Variants in PVR observed in about 807,000 individuals in gnomAD.
PVR encodes the protein poliovirus receptor.
In PVR, 39 loss-of-function variants were observed where a neutral mutation model predicts 43.3. That is an observed-to-expected ratio of 0.90 (90% CI 0.70 to 1.18). The LOEUF (loss-of-function observed/expected upper bound fraction) is 1.18. PVR is among the 50% of genes most tolerant of loss of function. The pLI, the probability that PVR is intolerant of heterozygous loss-of-function variation, is 0.00. For synonymous variants in PVR, 224 were observed against 233.2 expected (o/e 0.96, Z 0.36); for missense variants, 480 against 549.7 (o/e 0.87, Z 1.27).
rs1484893874 is a variant in PVR at position 44,661,786 on chromosome 19, A to T, written c.1229A>T (p.Asp410Val). 1.9e-6 allele frequency: 3 copies of T among 1,614,054 alleles called. No homozygotes were observed. The highest frequency in any genetic ancestry group is 2.5e-6 in the Non-Finnish European group (3 of 1,180,000). ...AVSRENSSSQ[D>V]PQTEGTR ...AGCAGAGAGAACAGCTCTTCCCAGG[A>T]TCCACAGACAGAGGGCACAAGGTGA... is the stretch of plus-strand genomic sequence containing the variant. The change falls in exon 8 of 8, where the codon GAT becomes GTT. Residue 410 changes from aspartate to valine, a missense_variant. Physicochemically the swap from Asp to Val is radical, Grantham distance 152. Transcript: ENST00000425690.
At position 44,662,039 on chromosome 19, in the gene PVR, G is replaced by A. The variant is rs1599777569; in HGVS notation, c.*228G>A. The A allele has an allele frequency of 1.8e-6, 1 of 567,968 alleles. No homozygotes were observed. Among genetic ancestry groups the A allele is most frequent in the Admixed American group, 3.0e-5 (1 of 33,256 alleles). The allele number at this position is 567,968 out of a possible 1,614,324, so 35.2% of individuals were successfully genotyped here. A position where few individuals can be genotyped will look rare whatever the true frequency, so the allele number is the denominator to read the frequency against. On this transcript the variant is annotated 3_prime_UTR_variant, in exon 8 of 8. Coordinates refer to ENST00000425690, the MANE Select transcript of PVR (RefSeq NM_006505.5). ...ACTCAGGAAAGCTGTTAGGCTCACA[G>A]TTACAGTTTATTACAGTAAAAGGAC...
rs957048478 is a variant in PVR, at chr19:44,665,694, GCAGGCC to G, written c.*3887_*3892del. On this transcript the variant is annotated 3_prime_UTR_variant, in exon 8 of 8. Transcript: ENST00000425690. ...CCTGGCTCTACTCCGGGCACAGCATGCAGGCCCAGTTCTGCTGCTCTGCTGTTTGTT... is the reference window on the plus strand; with the variant it reads ...CCTGGCTCTACTCCGGGCACAGCATGCAGTTCTGCTGCTCTGCTGTTTGTT... 7 of 149,870 alleles carry G rather than the reference GCAGGCC, an allele frequency of 4.7e-5. No individual in the cohort carries two copies. Among genetic ancestry groups the G allele is most frequent in the African/African-American group, 7.4e-5 (3 of 40,416 alleles). 9.3% of individuals were successfully genotyped at this position (149,870 alleles called of 1,614,324 possible). A position where few individuals can be genotyped will look rare whatever the true frequency, so the allele number is the denominator to read the frequency against.
At chr19:44,647,077 T>TCCCCCCC in intron 1 of PVR, 146 bp from the exon 2 acceptor site, 49 of 311,354 alleles carry the variant, frequency 1.6e-4, no homozygotes, top group Middle Eastern at 9.7e-4. Flanking sequence ...GTGCCCCAGT[T>TCCCCCCC]CCCCCTCCCC....
intron 1 of PVR, among the ~76,000 whole-genome samples, chr19:44,645,408 G>T (rs1390476441): frequency 1.8e-5 from 2 of 112,040 alleles, no homozygotes; most frequent in African/African-American, 3.9e-5. Context: ...TTATTTATAT[G>T]TTTTGTGTAT....
At chr19:44,644,746 C>G (rs1440744403) in intron 1 of PVR, among the ~76,000 whole-genome samples, 1 of 145,354 alleles carries the variant, frequency 6.9e-6, no homozygotes, top group East Asian at 2.0e-4. Flanking sequence ...GAGACAGTCT[C>G]ACTCCATCAC....
At chr19:44,645,415 G>GTATATATATATATA (rs71171276) in intron 1 of PVR, among the ~76,000 whole-genome samples, 1,290 of 83,654 alleles carry the variant, frequency 0.015, 25 homozygotes, top group East Asian at 0.053. Context: ...TATGTTTTGT[G>GTATATATATATATA]TATATATATA....
In PVR at chr19:44,658,861, T is replaced by C. The variant is rs972328868; in HGVS notation, c.1111T>C (p.Ser371Pro). 3.1e-6 allele frequency: 5 copies of C among 1,614,108 alleles called. No individual in the cohort carries two copies. The highest frequency in any genetic ancestry group is 4.2e-6 in the Non-Finnish European group (5 of 1,179,996). ...IGIYFYWSKC[S>P]REVLWHCHLC... ...GATTTATTTCTATTGGTCCAAATGT[T>C]CCCGTGAGGTCCTTTGGCACTGTCA... is the stretch of plus-strand genomic sequence containing the variant. The change falls in exon 6 of 8, where the codon TCC (serine) becomes CCC (proline). Residue 371 changes from serine to proline, a missense_variant. Coordinates refer to ENST00000425690, the MANE Select transcript of PVR (RefSeq NM_006505.5).
rs2123772726 is a variant in PVR at position 44,661,432 on chromosome 19, G to C, written c.1182+109G>C. On this transcript the variant is annotated intron_variant, in intron 7 of 7. Transcript: ENST00000425690. ...TCAGGAGCCTGGGTCTTTTCTCCTG[G>C]TGCCTCGAGCAGCATTTCCCAACCC... 4.1e-6 allele frequency: 5 copies of C among 1,222,158 alleles called. No individual in the cohort carries two copies. The South Asian group carries it at 6.2e-5, about 15-fold the overall frequency. The allele number at this position is 1,222,158 out of a possible 1,614,324, so 75.7% of individuals were successfully genotyped here.
Position 44,649,145 on chromosome 19 carries a change from A to T in PVR, c.428-664A>T, listed in dbSNP as rs1218176480. Reference sequence around the variant, plus strand: ...TTTCCAGCCCTGCCCTCTCCGAGTCATCACTGCCTAGGAAAGAGTCCGTCT... The same window carrying T: ...TTTCCAGCCCTGCCCTCTCCGAGTCTTCACTGCCTAGGAAAGAGTCCGTCT... On this transcript the variant is annotated intron_variant, in intron 2 of 7. Transcript: ENST00000425690. Among the ~76,000 whole-genome samples, 2 of 152,138 alleles carry T rather than the reference A, an allele frequency of 1.3e-5. 1 individual carries two copies. The highest frequency in any genetic ancestry group is 4.8e-5 in the African/African-American group (2 of 41,416).
chr19:44,658,764 A>G lies in PVR; in HGVS notation c.1014A>G (p.Ser338=), dbSNP rs1198533252. 6 of 1,610,022 alleles carry G rather than the reference A, an allele frequency of 3.7e-6. No individual in the cohort carries two copies. Among genetic ancestry groups the G allele is most frequent in the Non-Finnish European group, 4.2e-6 (5 of 1,176,514 alleles). The change falls in exon 6 of 8, where the codon TCA becomes TCG. Residue 338 remains serine, a synonymous_variant. Transcript: ENST00000425690. ...QVKEGPPSEH[S]GMSRNAIIFL... The stretch of plus-strand genomic sequence containing the variant: ...CAGAGGGACCTCCCAGTGAGCACTC[A>G]GGCATGTCCCGTAACGCCATCATCT...
At chr19:44,650,857 G>A (rs1449396864) in intron 3 of PVR, among the ~76,000 whole-genome samples, 1 of 151,774 alleles carries the variant, frequency 6.6e-6, no homozygotes, top group Non-Finnish European at 1.5e-5. Context: ...GAGCCACTGT[G>A]CCCGGCTTTT....
intron 1 of PVR, 33 bp from the exon 2 acceptor site, chr19:44,647,190 C>T (rs1255458626): frequency 1.3e-5 from 19 of 1,482,874 alleles, no homozygotes; most frequent in Non-Finnish European, 1.5e-5. Context: ...AAGAACGCCC[C>T]GGGTCTGACA....
At chr19:44,645,350 ATATTT>A (rs1973079987) in intron 1 of PVR, among the ~76,000 whole-genome samples, 1 of 123,212 alleles carries the variant, frequency 8.1e-6, no homozygotes, top group Non-Finnish European at 1.6e-5. Flanking sequence ...TAAATAATAT[ATATTT>A]TATTATACAT....
Position 44,658,850 on chromosome 19 carries a change from G to A in PVR, c.1100G>A (p.Trp367Ter). The change falls in exon 6 of 8, where the codon TGG (tryptophan) becomes TAG (stop). Residue 367 changes from tryptophan to a stop codon, truncating the protein, a stop_gained. Transcript: ENST00000425690. LOFTEE classifies it high-confidence loss of function. The part of the protein sequence containing the change: ...ILLGIGIYFY[W>*]SKCSREVLWH... Reference sequence around the variant, plus strand: ...CTGGGGATCGGGATTTATTTCTATTGGTCCAAATGTTCCCGTGAGGTCCTT... The same window carrying A: ...CTGGGGATCGGGATTTATTTCTATTAGTCCAAATGTTCCCGTGAGGTCCTT... The A allele has an allele frequency of 6.2e-7, 1 of 1,614,058 alleles. No individual in the cohort carries two copies. The highest frequency in any genetic ancestry group is 8.5e-7 in the Non-Finnish European group (1 of 1,180,004).
chr19:44,649,427 C>CTT lies in PVR; in HGVS notation c.428-363_428-362dup, dbSNP rs35536545. On this transcript the variant is annotated intron_variant, in intron 2 of 7. Transcript: ENST00000425690. ...GGATTTAAACCATGCCATTCTGTATCTTTTTTTTTTTTTTTTTTTTGAGAC... is the reference window on the plus strand; with the variant it reads ...GGATTTAAACCATGCCATTCTGTATCTTTTTTTTTTTTTTTTTTTTTTGAGAC... Among the ~76,000 whole-genome samples, 349 of 125,406 alleles carry CTT rather than the reference C, an allele frequency of 2.8e-3. 4 individuals are homozygous for CTT. The highest frequency in any genetic ancestry group is 6.9e-3 in the African/African-American group (223 of 32,256). 82.3% of individuals were successfully genotyped at this position (125,406 alleles called of 152,430 possible).
chr19:44,645,000 TA>T (rs1285178201), intron 1 of PVR, among the ~76,000 whole-genome samples: 2 of 114,720 alleles, frequency 1.7e-5, no homozygotes, highest in East Asian at 4.8e-4. Context: ...TAGTAATATA[TA>T]ATAAAAATAT....
chr19:44,657,376 C>T (rs1246966048), intron 4 of PVR, among the ~76,000 whole-genome samples: 1 of 152,122 alleles, frequency 6.6e-6, no homozygotes, highest in Non-Finnish European at 1.5e-5. Context: ...CCAGAGGGTA[C>T]TGAGCTGAGG....
At chr19:44,658,042 C>A in intron 5 of PVR, 132 bp downstream of exon 5, 1 of 943,306 alleles carries the variant, frequency 1.1e-6, no homozygotes, top group Non-Finnish European at 1.6e-6. Flanking sequence ...GCCAGCTTTA[C>A]TCCCCTGTTA....
At position 44,661,862 on chromosome 19, in the gene PVR, C is replaced by A; in HGVS notation, c.*51C>A. Reference sequence around the variant, plus strand: ...AGACTGGAGCTGGCAAGGACGTGGGCCTCCAGAGTTGGACCCGACCCCAAT... The same window carrying A: ...AGACTGGAGCTGGCAAGGACGTGGGACTCCAGAGTTGGACCCGACCCCAAT... On this transcript the variant is annotated 3_prime_UTR_variant, in exon 8 of 8. Coordinates refer to ENST00000425690, the MANE Select transcript of PVR (RefSeq NM_006505.5). 3 of 1,558,690 alleles carry A rather than the reference C, an allele frequency of 1.9e-6. No individual in the cohort carries two copies. Among genetic ancestry groups the A allele is most frequent in the Non-Finnish European group, 2.6e-6 (3 of 1,132,442 alleles).
Sources: gnomAD v4.1 joint callset for allele counts (sites outside exome capture counted in the v4.1 genomes callset) on GRCh38, gnomAD v4.1.1 for gene constraint, MANE v1.5 for transcripts, NCBI Gene and HGNC (gene_info 2026-07-23, HGNC 2026-07-21) for gene names.